The following SMAD3 variants were observed in gnomAD, a reference collection of about 807,000 sequenced individuals.
SMAD3 encodes SMAD family member 3.
A neutral mutation model predicts 51.8 loss-of-function variants in SMAD3; 12 were observed. That is an observed-to-expected ratio of 0.23 (90% CI 0.15 to 0.38). The LOEUF (loss-of-function observed/expected upper bound fraction) is 0.38. SMAD3 is among the 10% of genes least tolerant of loss of function. The pLI is 1.00. For missense variants in SMAD3, 294 were observed against 565.6 expected (o/e 0.52, Z 4.87); for synonymous variants, 238 against 227.7 (o/e 1.05, Z -0.41).
chr15:67,175,535 T>G (rs1019338080), intron 5 of SMAD3, among the ~76,000 whole-genome samples: 20 of 152,220 alleles, frequency 1.3e-4, no homozygotes, highest in African/African-American at 4.8e-4. Flanking sequence ...TCAGGCACCT[T>G]GCCTGAGAGT....
chr15:67,102,449 A>G (rs1007428322), intron 1 of SMAD3, among the ~76,000 whole-genome samples: 1 of 152,308 alleles, frequency 6.6e-6, no homozygotes, highest in African/African-American at 2.4e-5. Context: ...AATGTGTGAA[A>G]TGCAGCCCTT....
intron 1 of SMAD3, among the ~76,000 whole-genome samples, chr15:67,115,867 T>G (rs1265985911): frequency 6.6e-6 from 1 of 151,892 alleles, no homozygotes; most frequent in Non-Finnish European, 1.5e-5. Flanking sequence ...GAGCAAGGGG[T>G]GGTGGTCTGG....
At chr15:67,183,413 C>T (rs1963139130) in intron 6 of SMAD3, among the ~76,000 whole-genome samples, 2 of 137,166 alleles carry the variant, frequency 1.5e-5, no homozygotes, top group South Asian at 5.5e-4. Context: ...CCTCTGCCTT[C>T]TGCTCTTACT....
intron 4 of SMAD3, among the ~76,000 whole-genome samples, chr15:67,169,680 C>T (rs1374150537): frequency 6.9e-6 from 1 of 145,444 alleles, no homozygotes; most frequent in Admixed American, 7.0e-5. Flanking sequence ...CCAGGCTGGT[C>T]TCAAACTCCT....
intron 6 of SMAD3, among the ~76,000 whole-genome samples, chr15:67,183,399 C>G (rs918266354): frequency 6.1e-5 from 9 of 147,120 alleles, no homozygotes; most frequent in Non-Finnish European, 1.4e-4. Context: ...TCTTCGCATC[C>G]CCACCTCTGC....
rs569063819 is a variant in SMAD3, at chr15:67,130,048, T to C, written c.207-34847T>C. 2.5e-4 allele frequency among the ~76,000 whole-genome samples: 38 copies of C among 152,340 alleles called. 1 individual carries two copies. The highest frequency in any genetic ancestry group is 8.7e-4 in the African/African-American group (36 of 41,584). ...CGGGTGGGACCAGAGCTTGGTCTTC[T>C]TCCCATTAAGGAAGAAGGGAAACTT... On this transcript the variant is annotated intron_variant, in intron 1 of 8. Coordinates refer to ENST00000327367, the MANE Select transcript of SMAD3 (RefSeq NM_005902.4).
chr15:67,170,818 C>T, intron 5 of SMAD3: 1 of 569,884 alleles, frequency 1.8e-6, no homozygotes, highest in East Asian at 2.9e-5. Flanking sequence ...AACCATATGC[C>T]AGGTTTGTAT....
chr15:67,067,904 G>A (rs1035997662), intron 1 of SMAD3, among the ~76,000 whole-genome samples: 13 of 152,106 alleles, frequency 8.5e-5, no homozygotes, highest in Admixed American at 8.5e-4. Flanking sequence ...GGGTGGCTAG[G>A]GTAGAGTGGG....
chr15:67,070,988 C>T (rs906469663), intron 1 of SMAD3, among the ~76,000 whole-genome samples: 6 of 152,162 alleles, frequency 3.9e-5, no homozygotes, highest in African/African-American at 1.4e-4. Context: ...TTATTCAGTC[C>T]TTCGTTGAGA....
chr15:67,117,572 C>T (rs35887379), intron 1 of SMAD3, among the ~76,000 whole-genome samples: 56,276 of 151,800 alleles, frequency 0.37, 10,993 homozygotes, highest in Middle Eastern at 0.49. Context: ...GCCGGGTGGG[C>T]GACTCTGGTG....
intron 1 of SMAD3, among the ~76,000 whole-genome samples, chr15:67,124,183 C>G (rs1369176184): frequency 6.6e-6 from 1 of 152,110 alleles, no homozygotes; most frequent in Non-Finnish European, 1.5e-5. Context: ...GAGAAGAGGT[C>G]TTGCTATCAT....
chr15:67,181,471 T>TGCCCCCCCCCCCCCCCCCC lies in SMAD3; in HGVS notation c.871+18_871+19insGCCCCCCCCCCCCCCCCCC. 1 of 1,521,104 alleles carries TGCCCCCCCCCCCCCCCCCC rather than the reference T, an allele frequency of 6.6e-7. No homozygotes were observed. The highest frequency in any genetic ancestry group is 8.8e-7 in the Non-Finnish European group (1 of 1,132,012). 94.2% of individuals were successfully genotyped at this position (1,521,104 alleles called of 1,614,324 possible). On this transcript the variant is annotated intron_variant, in intron 6 of 8. Coordinates refer to ENST00000327367, the MANE Select transcript of SMAD3 (RefSeq NM_005902.4). The stretch of plus-strand genomic sequence containing the variant: ...ACACATCGGTATGGGGTGGCTCCAT[T>TGCCCCCCCCCCCCCCCCCC]CCCCGCCCCCCCACCCTGCCCCTGC...
rs1413029737 is a variant in SMAD3, at chr15:67,191,516, T to C, written c.*980T>C. ...TCATTAAATCAACTTTATCATATGCTCTTTTAAATGTTTGGTTTATATATT... is the reference window on the plus strand; with the variant it reads ...TCATTAAATCAACTTTATCATATGCCCTTTTAAATGTTTGGTTTATATATT... On this transcript the variant is annotated 3_prime_UTR_variant, in exon 9 of 9. Coordinates refer to ENST00000327367, the MANE Select transcript of SMAD3 (RefSeq NM_005902.4). 4.3e-6 allele frequency: 1 copy of C among 233,252 alleles called. No homozygotes were observed. Among genetic ancestry groups the C allele is most frequent in the Non-Finnish European group, 8.5e-6 (1 of 118,018 alleles). 14.4% of individuals were successfully genotyped at this position (233,252 alleles called of 1,614,324 possible). A position where few individuals can be genotyped will look rare whatever the true frequency, so the allele number is the denominator to read the frequency against.
intron 1 of SMAD3, chr15:67,147,013 C>T (rs1189592478): frequency 6.6e-6 from 1 of 152,182 alleles, no homozygotes; most frequent in East Asian, 1.9e-4. Context: ...TGCCAGGGGC[C>T]CCTCCCACAG....
intron 1 of SMAD3, among the ~76,000 whole-genome samples, chr15:67,090,088 G>A (rs368058676): frequency 6.6e-6 from 1 of 152,190 alleles, no homozygotes; most frequent in African/African-American, 2.4e-5. Flanking sequence ...CACCCAGGCC[G>A]AGTGGAACAC....
chr15:67,104,908 G>A, intron 1 of SMAD3, among the ~76,000 whole-genome samples: 1 of 152,358 alleles, frequency 6.6e-6, no homozygotes, highest in African/African-American at 2.4e-5. Context: ...CTTCCCATCT[G>A]AAAGCTGTCT....
intron 1 of SMAD3, among the ~76,000 whole-genome samples, chr15:67,114,527 C>T (rs1961093765): frequency 2.0e-5 from 3 of 152,078 alleles, no homozygotes; most frequent in Admixed American, 2.0e-4. Context: ...TTAAGAGAAA[C>T]AAAAAATAGA....
chr15:67,142,736 A>C (rs1004356669), intron 1 of SMAD3: 1 of 356,542 alleles, frequency 2.8e-6, no homozygotes, highest in Non-Finnish European at 5.8e-6. Context: ...CACTGTGCTA[A>C]GTAACAGTGG....
intron 5 of SMAD3, among the ~76,000 whole-genome samples, chr15:67,175,403 G>C (rs768797143): frequency 6.6e-6 from 1 of 152,150 alleles, no homozygotes; most frequent in Non-Finnish European, 1.5e-5. Context: ...AGACTGAAAG[G>C]TGGTCGTTTG....
Sources: allele counts gnomAD v4.1 joint callset (sites outside exome capture counted in the v4.1 genomes callset), GRCh38; gene constraint gnomAD v4.1.1; transcripts MANE v1.5; gene names NCBI Gene and HGNC (gene_info 2026-07-23, HGNC 2026-07-21).